Variants in ARHGAP30 observed in about 807,000 individuals in gnomAD.
ARHGAP30 encodes the protein rho GTPase-activating protein 30.
In ARHGAP30, 23 loss-of-function variants were observed where a neutral mutation model predicts 72.0. The observed-to-expected ratio is 0.32, with a 90% CI of 0.23 to 0.45. The LOEUF (loss-of-function observed/expected upper bound fraction) is 0.45. Among genes scored for constraint, ARHGAP30 ranks in the 20% least tolerant of loss-of-function variants. ARHGAP30 has a pLI of 1.00. For synonymous variants in ARHGAP30, 576 were observed against 528.2 expected (o/e 1.09, Z -1.24); for missense variants, 1,319 against 1,383.4 (o/e 0.95, Z 0.74).
chr1:161,064,947 A>C (rs1652655617), intron 1 of ARHGAP30, among the ~76,000 whole-genome samples: 1 of 151,180 alleles, frequency 6.6e-6, no homozygotes, highest in Non-Finnish European at 1.5e-5. Context: ...AGGGAAGGGA[A>C]GAAGGGAAGG....
rs749644105 is a variant in ARHGAP30 at position 161,049,067 on chromosome 1, G to C, written c.1954C>G (p.Gln652Glu). 1 of 1,614,044 alleles carries C rather than the reference G, an allele frequency of 6.2e-7. No homozygotes were observed. Among genetic ancestry groups the C allele is most frequent in the South Asian group, 1.1e-5 (1 of 91,084 alleles). The change falls in exon 12 of 12, where the codon CAG (glutamine) becomes GAG (glutamate). Residue 652 changes from glutamine to glutamate, a missense_variant. This residue lies in a region of ARHGAP30 where 1,097 missense variants were observed against 1,045.2 expected (regional missense o/e 1.05). Coordinates refer to ENST00000368013, the MANE Select transcript of ARHGAP30 (RefSeq NM_001025598.2). ...TCCTCCCCAACTTCCCAGCATGCCT[G>C]CTCTTCCCCACCCTGTCCCAGAGCC... ...RQALGQGGEE[Q>E]ACWEVGEDKQ...
chr1:161,053,506 CGA>C (rs72437090), intron 5 of ARHGAP30, 121 bp from the exon 6 acceptor site: 9,405 of 841,636 alleles, frequency 0.011, 80 homozygotes, highest in African/African-American at 0.015. Flanking sequence ...CTCTCTCTCT[CGA>C]ATGACCTTAA....
In ARHGAP30 at chr1:161,047,826, A is replaced by G. The variant is rs1650974553; in HGVS notation, c.3195T>C (p.Arg1065=). The change falls in exon 12 of 12, where the codon CGT becomes CGC. Residue 1065 remains arginine (R), a synonymous_variant. Coordinates refer to ENST00000368013, the MANE Select transcript of ARHGAP30 (RefSeq NM_001025598.2). ...GGGGTTCTCTGGGGGGCAGACTAAG[A>G]CGACTCCGGGATCCAGACCCTTCTG... is the stretch of plus-strand genomic sequence containing the variant. ...EGAEGSGSRS[R]LSLPPREPQV... 6.2e-7 allele frequency: 1 copy of G among 1,610,114 alleles called. No individual in the cohort carries two copies. Among genetic ancestry groups the G allele is most frequent in the East Asian group, 2.2e-5 (1 of 44,848 alleles).
Position 161,048,824 on chromosome 1 carries a change from C to T in ARHGAP30, c.2197G>A (p.Gly733Ser), listed in dbSNP as rs556130943. 1.5e-5 allele frequency: 24 copies of T among 1,614,020 alleles called. No homozygotes were observed. The South Asian group carries it at 2.0e-4, about 13-fold the overall frequency. Residue 733 changes from glycine to serine, a missense_variant, in exon 12 of 12, where the codon GGT (glycine) becomes AGT (serine). Physicochemically the swap from Gly to Ser is moderately conservative, Grantham distance 56. Around this residue, in one of 2 missense-constraint regions of ARHGAP30, gnomAD observed 1,097 missense variants for 1,045.2 expected, o/e 1.05. Transcript: ENST00000368013. ...TCATCTCCTCCTGGTTCCTCCACACCTTTAGCCTCCATACTGTCAGCCTTC... is the reference window on the plus strand; with the variant it reads ...TCATCTCCTCCTGGTTCCTCCACACTTTTAGCCTCCATACTGTCAGCCTTC... ...QKKADSMEAK[G>S]VEEPGGDEYT...
In ARHGAP30 at chr1:161,069,470, G is replaced by T. The variant is rs1395343819; in HGVS notation, c.97+58C>A. 1.9e-6 allele frequency: 3 copies of T among 1,547,992 alleles called. No homozygotes were observed. The highest frequency in any genetic ancestry group is 2.7e-6 in the Non-Finnish European group (3 of 1,131,566). On this transcript the variant is annotated intron_variant, in intron 1 of 11. Transcript: ENST00000368013. This position sits in a 1 kb window ranked among gnomAD's most constrained non-coding sequence, Gnocchi z 4.9. ...GCTTCTGCCCTTCAGGCTGGATCGG[G>T]CTGCAGATGCCCAGTGCCTCCCCAC...
chr1:161,065,978 C>T (rs2101640112), intron 1 of ARHGAP30, among the ~76,000 whole-genome samples: 1 of 151,766 alleles, frequency 6.6e-6, no homozygotes, highest in South Asian at 2.1e-4. Context: ...CTCACTGAAG[C>T]CTCAGCCTCC....
At chr1:161,052,238 G>C (rs774099727) in intron 9 of ARHGAP30, 48 bp downstream of exon 9, 1 of 1,600,944 alleles carries the variant, frequency 6.2e-7, no homozygotes, top group Admixed American at 1.7e-5. Context: ...GCCCACGCTG[G>C]TCACATAGCA....
Position 161,047,851 on chromosome 1 carries a change from G to A in ARHGAP30, c.3170C>T (p.Ala1057Val), listed in dbSNP as rs1650977901. The change falls in exon 12 of 12, where the codon GCA (alanine) becomes GTA (valine). Residue 1057 changes from alanine to valine, a missense_variant. Transcript: ENST00000368013. ...ACGACTCCGGGATCCAGACCCTTCT[G>A]CACCTTCAGATGGGAGCTCCAGGCA... ...LSCLELPSEGAEGSGSRSRLS... is the reference protein window; with the variant it reads ...LSCLELPSEGVEGSGSRSRLS... 6.2e-7 allele frequency: 1 copy of A among 1,611,696 alleles called. No homozygotes were observed. The highest frequency in any genetic ancestry group is 2.2e-5 in the East Asian group (1 of 44,870).
chr1:161,057,643 A>C (rs149884861), intron 2 of ARHGAP30, among the ~76,000 whole-genome samples: 3 of 152,292 alleles, frequency 2.0e-5, no homozygotes, highest in African/African-American at 7.2e-5. Flanking sequence ...GTCTCAAAAA[A>C]AGAACAGAAA....
chr1:161,053,462 T>TCTCTCTCTC, intron 5 of ARHGAP30, 77 bp from the exon 6 acceptor site: 2 of 689,130 alleles, frequency 2.9e-6, no homozygotes, highest in East Asian at 3.7e-5. Context: ...AAATACCTTA[T>TCTCTCTCTC]TCTCTCTCTC....
Position 161,047,565 on chromosome 1 carries a change from G to T in ARHGAP30, c.*150C>A. 1.3e-6 allele frequency: 1 copy of T among 750,398 alleles called. No individual in the cohort carries two copies. Among genetic ancestry groups the T allele is most frequent in the Non-Finnish European group, 1.9e-6 (1 of 514,004 alleles). The allele number at this position is 750,398 out of a possible 1,614,324, so 46.5% of individuals were successfully genotyped here. On this transcript the variant is annotated 3_prime_UTR_variant, in exon 12 of 12. Transcript: ENST00000368013. Reference sequence around the variant, plus strand: ...GTTCAGGTAAACCAACCAAGGCAGTGCCTCCCACAGTCAAAGAGAGAAGCT... The same window carrying T: ...GTTCAGGTAAACCAACCAAGGCAGTTCCTCCCACAGTCAAAGAGAGAAGCT...
intron 1 of ARHGAP30, among the ~76,000 whole-genome samples, chr1:161,068,401 G>T (rs137972109): frequency 1.3e-3 from 199 of 152,290 alleles, no homozygotes; most frequent in Middle Eastern, 3.4e-3. Context: ...GGGGATAGGG[G>T]TCCTCTCACT....
At chr1:161,053,129 G>C (rs934354921) in intron 6 of ARHGAP30, 129 bp downstream of exon 6, 1 of 1,359,060 alleles carries the variant, frequency 7.4e-7, no homozygotes, top group Non-Finnish European at 1.0e-6. Context: ...TCTCCCCAGG[G>C]TTCTCTCCAT....
chr1:161,060,936 C>T (rs1652269601), intron 1 of ARHGAP30, among the ~76,000 whole-genome samples: 1 of 151,970 alleles, frequency 6.6e-6, no homozygotes, highest in African/African-American at 2.4e-5. Flanking sequence ...GAACTCCTGA[C>T]CTCATATTTC....
intron 1 of ARHGAP30, 100 bp from the exon 2 acceptor site, chr1:161,059,816 G>T: frequency 1.0e-6 from 1 of 978,778 alleles, no homozygotes; most frequent in Non-Finnish European, 1.5e-6. Flanking sequence ...ACCACGACGA[G>T]CAAAGCTCAT....
At chr1:161,051,242 C>A (rs1481095519) in intron 10 of ARHGAP30, 72 bp downstream of exon 10, 1 of 1,503,844 alleles carries the variant, frequency 6.6e-7, no homozygotes, top group Non-Finnish European at 8.8e-7. Flanking sequence ...TAGGGTGGAT[C>A]TTCCAGCATC....
At chr1:161,067,523 T>C (rs1005567056) in intron 1 of ARHGAP30, among the ~76,000 whole-genome samples, 2 of 151,154 alleles carry the variant, frequency 1.3e-5, no homozygotes, top group African/African-American at 4.9e-5. Flanking sequence ...TGAGCCGAGA[T>C]CACCCCACTA....
At chr1:161,054,806 G>C in intron 3 of ARHGAP30, 101 bp from the exon 4 acceptor site, 8 of 985,256 alleles carry the variant, frequency 8.1e-6, no homozygotes, top group Non-Finnish European at 1.3e-5. Context: ...ATGTGCACTG[G>C]ACTCTGTGCT....
chr1:161,063,080 T>C (rs192252928), intron 1 of ARHGAP30, among the ~76,000 whole-genome samples: 2 of 152,360 alleles, frequency 1.3e-5, no homozygotes, highest in Admixed American at 1.3e-4. Context: ...CTCAAAGTGC[T>C]GGGATTACAG....
Sources: gnomAD v4.1 joint callset for allele counts (sites outside exome capture counted in the v4.1 genomes callset) on GRCh38, gnomAD v4.1.1 for gene constraint, gnomAD v4.1.1 regional missense constraint, Gnocchi (gnomAD v3.1) non-coding constraint, MANE v1.5 for transcripts, NCBI Gene and HGNC (gene_info 2026-07-23, HGNC 2026-07-21) for gene names.